The following HDX variants were observed in gnomAD, a reference collection of about 807,000 sequenced individuals.
HDX encodes the protein highly divergent homeobox, also known as chromosome X open reading frame 43.
Under a neutral mutation model 45.2 loss-of-function variants are expected in HDX, and 19 were observed. The ratio of observed to expected loss-of-function variants is 0.42; its 90% CI spans 0.29 to 0.62. The LOEUF (loss-of-function observed/expected upper bound fraction) is 0.62, where lower values mean the gene tolerates loss of function less well. Ranked by LOEUF, HDX falls within the 20% of genes least tolerant of loss-of-function variation. HDX has a pLI of 0.20. For synonymous variants in HDX, 188 were observed against 172.8 expected (o/e 1.09, Z -0.69); for missense variants, 532 against 493.9 (o/e 1.08, Z -0.73).
At position 84,392,308 on chromosome X, in the gene HDX, G is replaced by A. The variant is rs997326975; in HGVS notation, c.1306-30696C>T. On this transcript the variant is annotated intron_variant, in intron 5 of 10. Transcript: ENST00000373177. Reference sequence around the variant, plus strand: ...TTCTATATCAATACCATACTCTTTGGTCACTACAGCCTTGTAATATATTTT... The same window carrying A: ...TTCTATATCAATACCATACTCTTTGATCACTACAGCCTTGTAATATATTTT... Among the ~76,000 whole-genome samples, 7 of 110,960 alleles carry A rather than the reference G, an allele frequency of 6.3e-5. No homozygotes were observed. The East Asian group carries it at 2.0e-3, about 31-fold the overall frequency.
chrX:84,385,736 A>T (rs1282020350), intron 5 of HDX, among the ~76,000 whole-genome samples: 1 of 110,273 alleles, frequency 9.1e-6, no homozygotes, highest in East Asian at 2.8e-4. Context: ...ATTGTTTATC[A>T]ATTCTAGTTG....
chrX:84,363,172 C>G (rs1456991778), intron 5 of HDX, among the ~76,000 whole-genome samples: 1 of 111,584 alleles, frequency 9.0e-6, no homozygotes, highest in Non-Finnish European at 1.9e-5. Flanking sequence ...AACATGCCAT[C>G]TAAGTTTTTT....
chrX:84,325,006 A>G (rs752048507), intron 10 of HDX, among the ~76,000 whole-genome samples: 1 of 111,320 alleles, frequency 9.0e-6, no homozygotes, highest in Admixed American at 9.7e-5. Context: ...ATAAACCAAT[A>G]TGCTTAAATT....
At chrX:84,368,164 G>A (rs116432359) in intron 5 of HDX, among the ~76,000 whole-genome samples, 4,947 of 110,796 alleles carry the variant, frequency 0.045, 256 homozygotes, top group African/African-American at 0.15. Context: ...TGAAGCATAA[G>A]GAGGATTAAT....
In HDX at chrX:84,500,477, C is replaced by T. The variant is rs1350959200; in HGVS notation, c.-110+1865G>A. On this transcript the variant is annotated intron_variant, in intron 1 of 10. Coordinates refer to ENST00000373177, the MANE Select transcript of HDX (RefSeq NM_001177479.2). ...ACACACACACACACACACACAACAACAACAACAACAACAATAACAAAGGAG... is the reference window on the plus strand; with the variant it reads ...ACACACACACACACACACACAACAATAACAACAACAACAATAACAAAGGAG... 1.9e-4 allele frequency among the ~76,000 whole-genome samples: 21 copies of T among 109,123 alleles called. No homozygotes were observed. The Admixed American group carries it at 2.1e-3, about 11-fold the overall frequency. The allele number at this position is 109,123 out of a possible 115,157, so 94.8% of individuals were successfully genotyped here. A position where few individuals can be genotyped will look rare whatever the true frequency, so the allele number is the denominator to read the frequency against.
chrX:84,478,800 A>T (rs780600861), intron 2 of HDX, among the ~76,000 whole-genome samples: 10 of 111,161 alleles, frequency 9.0e-5, no homozygotes, highest in Non-Finnish European at 1.5e-4. Flanking sequence ...TCGAGGTTAC[A>T]GTGAGCTATG....
chrX:84,449,196 G>A, intron 4 of HDX, among the ~76,000 whole-genome samples: 1 of 110,408 alleles, frequency 9.1e-6, no homozygotes, highest in East Asian at 2.9e-4. Context: ...TAATTTTATT[G>A]TGTCCAAGAA....
rs1264902167 is a variant in HDX at position 84,440,583 on chromosome X, A to G, written c.1254T>C (p.Ile418=). The G allele has an allele frequency of 8.6e-7, 1 of 1,159,910 alleles. No homozygotes were observed. The highest frequency in any genetic ancestry group is 2.2e-5 in the Admixed American group (1 of 44,981). ...TCCAAGGCACAGTAAGGTTTCCTGA[A>G]ATCTGTGAAAACAATAAATGGAATC... The part of the protein sequence containing the change: ...RLSQNQNNYQ[I]SGNLTVPWIT... Residue 418 remains isoleucine, a splice_region_variant and synonymous_variant, in exon 5 of 11, where the codon ATT becomes ATC. Transcript: ENST00000373177.
intron 9 of HDX, among the ~76,000 whole-genome samples, chrX:84,330,499 T>A (rs1214316678): frequency 1.8e-5 from 2 of 111,922 alleles, no homozygotes; most frequent in African/African-American, 6.5e-5. Context: ...AACATGCTCC[T>A]GTCATAATAT....
At position 84,469,287 on chromosome X, in the gene HDX, C is replaced by T; in HGVS notation, c.436G>A (p.Asp146Asn). The change falls in exon 4 of 11, where the codon GAT becomes AAT. Residue 146 changes from aspartate (D) to asparagine (N), a missense_variant. Physicochemically the swap from Asp to Asn is conservative, Grantham distance 23. Coordinates refer to ENST00000373177, the MANE Select transcript of HDX (RefSeq NM_001177479.2). ...GGAATGTGTAACTGAAACTCAGTAT[C>T]ATTTTTAGTGGCTGTTTTCTGAATA... ...IPIQKTATKNDTEFQLHIPVQ... is the reference protein window; with the variant it reads ...IPIQKTATKNNTEFQLHIPVQ... 5 of 1,210,492 alleles carry T rather than the reference C, an allele frequency of 4.1e-6. No homozygotes were observed. Among genetic ancestry groups the T allele is most frequent in the Non-Finnish European group, 4.5e-6 (4 of 894,406 alleles).
rs1448572590 is a variant in HDX, at chrX:84,321,894, A to G, written c.2068T>C (p.Leu690=). The G allele has an allele frequency of 3.4e-6, 4 of 1,186,443 alleles. No homozygotes were observed. In the African/African-American group the frequency reaches 5.3e-5, roughly 16 times the overall value. The change falls in exon 11 of 11, where the codon TTG becomes CTG. Residue 690 remains leucine (L), a synonymous_variant. Coordinates refer to ENST00000373177, the MANE Select transcript of HDX (RefSeq NM_001177479.2). ...TATATTCCCTCCAACTGAAATCACA[A>G]ACTTTCTGAGACATTTTTCTCTGAC... ...SLSEKNVSES[L]
At chrX:84,419,781 G>A (rs930838301) in intron 5 of HDX, among the ~76,000 whole-genome samples, 1 of 112,129 alleles carries the variant, frequency 8.9e-6, no homozygotes, top group African/African-American at 3.2e-5. Context: ...GGGTGCTGAT[G>A]TCACCCCACC....
At chrX:84,327,038 G>A (rs752989736) in intron 9 of HDX, among the ~76,000 whole-genome samples, 1 of 111,594 alleles carries the variant, frequency 9.0e-6, no homozygotes, top group Admixed American at 9.5e-5. Context: ...TGGTGAATTT[G>A]CACCAAGAAG....
At chrX:84,431,198 C>T (rs2039498070) in intron 5 of HDX, among the ~76,000 whole-genome samples, 1 of 109,700 alleles carries the variant, frequency 9.1e-6, no homozygotes, top group Non-Finnish European at 1.9e-5. Context: ...TTTTTATGGC[C>T]ACGTAGCATT....
intron 5 of HDX, among the ~76,000 whole-genome samples, chrX:84,379,282 T>C (rs946756575): frequency 9.1e-6 from 1 of 110,146 alleles, no homozygotes. Flanking sequence ...AATACAATAA[T>C]AGCTAGAGAC....
At chrX:84,430,631 C>T (rs2039480692) in intron 5 of HDX, among the ~76,000 whole-genome samples, 1 of 110,062 alleles carries the variant, frequency 9.1e-6, no homozygotes, top group Non-Finnish European at 1.9e-5. Flanking sequence ...TTTAAATTCC[C>T]ACCAACAATT....
At chrX:84,445,456 G>T (rs2039852231) in intron 4 of HDX, among the ~76,000 whole-genome samples, 3 of 110,213 alleles carry the variant, frequency 2.7e-5, no homozygotes, top group South Asian at 7.7e-4. Context: ...ACAGCACAGA[G>T]AACATTGCTG....
Position 84,336,890 on chromosome X carries a change from A to G in HDX, c.1661-10T>C, listed in dbSNP as rs1211216779. 1.8e-6 allele frequency: 2 copies of G among 1,113,159 alleles called. No individual in the cohort carries two copies. The highest frequency in any genetic ancestry group is 3.7e-5 in the African/African-American group (2 of 54,693). The allele number at this position is 1,113,159 out of a possible 1,213,427, so 91.7% of individuals were successfully genotyped here. On this transcript the variant is annotated splice_polypyrimidine_tract_variant and intron_variant, in intron 7 of 10. Coordinates refer to ENST00000373177, the MANE Select transcript of HDX (RefSeq NM_001177479.2). ...ACTTCATTGGGCTCTTCTACAGAAAAAAATGCCATAATTTCATTTTCATTT... is the reference window on the plus strand; with the variant it reads ...ACTTCATTGGGCTCTTCTACAGAAAGAAATGCCATAATTTCATTTTCATTT...
intron 5 of HDX, among the ~76,000 whole-genome samples, chrX:84,433,628 C>T (rs749148298): frequency 3.9e-4 from 44 of 111,691 alleles, no homozygotes; most frequent in Non-Finnish European, 6.2e-4. Flanking sequence ...GTGATGCCTC[C>T]TGCATTGTTC....
Sources: allele counts gnomAD v4.1 joint callset (sites outside exome capture counted in the v4.1 genomes callset), GRCh38; gene constraint gnomAD v4.1.1; transcripts MANE v1.5; gene names NCBI Gene and HGNC (gene_info 2026-07-23, HGNC 2026-07-21).